LHPP: variants seen among roughly 807,000 people sequenced by gnomAD.
LHPP encodes phospholysine phosphohistidine inorganic pyrophosphate phosphatase.
In LHPP, 24 loss-of-function variants were observed where a neutral mutation model predicts 30.3. The ratio of observed to expected loss-of-function variants is 0.79; its 90% CI spans 0.57 to 1.11. LHPP has a LOEUF of 1.11. Among genes scored for constraint, LHPP ranks in the 50% most tolerant of loss-of-function variants. The pLI is 0.00. For synonymous variants in LHPP, 150 were observed against 157.1 expected, an observed-to-expected ratio of 0.95 and a Z score of 0.34; for missense variants, 356 against 367.2, an observed-to-expected ratio of 0.97 and a Z score of 0.25.
At position 124,478,446 on chromosome 10, in the gene LHPP, C is replaced by T. The variant is rs762383602; in HGVS notation, c.126-5693C>T. Among the ~76,000 whole-genome samples, 12 of 152,200 alleles carry T rather than the reference C, an allele frequency of 7.9e-5. No homozygotes were observed. Among genetic ancestry groups the T allele is most frequent in the Middle Eastern group, 3.2e-3 (1 of 316 alleles). On this transcript the variant is annotated intron_variant, in intron 1 of 6. Coordinates refer to ENST00000368842, the MANE Select transcript of LHPP (RefSeq NM_022126.4). The surrounding 1 kb of genome is among the most constrained non-coding windows in gnomAD (Gnocchi z 4.7). Reference sequence around the variant, plus strand: ...CCTGCTGCCTGCCCAGTCTCCCCTCCGAGGGATCCCATTCTCCCTCCAGCC... The same window carrying T: ...CCTGCTGCCTGCCCAGTCTCCCCTCTGAGGGATCCCATTCTCCCTCCAGCC...
rs553620670 is a variant in LHPP, at chr10:124,496,399, A to G, written c.468-562A>G. 6.6e-6 allele frequency among the ~76,000 whole-genome samples: 1 copy of G among 152,276 alleles called. No homozygotes were observed. Among genetic ancestry groups the G allele is most frequent in the South Asian group, 2.1e-4 (1 of 4,826 alleles). On this transcript the variant is annotated intron_variant, in intron 3 of 6. Coordinates refer to ENST00000368842, the MANE Select transcript of LHPP (RefSeq NM_022126.4). The surrounding 1 kb of genome is among the most constrained non-coding windows in gnomAD (Gnocchi z 4.3). ...TCGTGCAGAGCCTGTCTCCACCTCC[A>G]TGAGACGGGAAGGAACAGTTGTCTT...
chr10:124,585,167 C>T (rs188247291), intron 6 of LHPP, among the ~76,000 whole-genome samples: 117 of 152,180 alleles, frequency 7.7e-4, no homozygotes, highest in Non-Finnish European at 1.3e-3. Context: ...GTAGTGTTCA[C>T]AATATAAACT....
chr10:124,529,559 A>T (rs1954833002), intron 6 of LHPP, among the ~76,000 whole-genome samples: 1 of 151,892 alleles, frequency 6.6e-6, no homozygotes, highest in Non-Finnish European at 1.5e-5. Context: ...CTCATTACTG[A>T]GCAAAAATTT....
intron 6 of LHPP, among the ~76,000 whole-genome samples, chr10:124,587,507 G>T (rs1043471511): frequency 1.3e-5 from 2 of 151,426 alleles, no homozygotes; most frequent in African/African-American, 4.8e-5. Context: ...TTGGGAGGCC[G>T]AGACGGGCGG....
intron 6 of LHPP, among the ~76,000 whole-genome samples, chr10:124,526,773 A>G (rs1954750118): frequency 6.6e-6 from 1 of 152,226 alleles, no homozygotes; most frequent in Non-Finnish European, 1.5e-5. Context: ...TGACAGCCCC[A>G]GAAGTCCCAT....
chr10:124,490,448 G>A (rs1953486796), intron 3 of LHPP: 6 of 332,360 alleles, frequency 1.8e-5, no homozygotes, highest in East Asian at 8.0e-5. Flanking sequence ...CCTTCATGAC[G>A]TGAAGGTTGG....
rs1564759117 is a variant in LHPP, at chr10:124,461,826, GGT to G, written c.-36_-35del. ...CGGCCGCGGCGCCGGCGCCGGCGTC[GGT>G]TGGGACGCGGAGCTGAGGAGCAGGG... On this transcript the variant is annotated 5_prime_UTR_variant, in exon 1 of 7. Coordinates refer to ENST00000368842, the MANE Select transcript of LHPP (RefSeq NM_022126.4). 6.5e-6 allele frequency: 8 copies of G among 1,225,384 alleles called. No individual in the cohort carries two copies. The Admixed American group carries it at 2.6e-4, about 39-fold the overall frequency. 75.9% of individuals were successfully genotyped at this position (1,225,384 alleles called of 1,614,324 possible).
At chr10:124,498,013 C>A (rs772425110) in intron 4 of LHPP, 23 bp from the exon 5 acceptor site, 25 of 1,589,752 alleles carry the variant, frequency 1.6e-5, no homozygotes, top group South Asian at 2.2e-5. Flanking sequence ...AAACTTATGC[C>A]ATGTCCCTCT....
At position 124,510,821 on chromosome 10, in the gene LHPP, G is replaced by A. The variant is rs1022628203; in HGVS notation, c.625-6359G>A. ...TGTGAATGTTCACTGCTGACCTCAC[G>A]GTTTGAAGACAATTCCTTGAGAAGG... On this transcript the variant is annotated intron_variant, in intron 5 of 6. Transcript: ENST00000368842. This position sits in a 1 kb window ranked among gnomAD's most constrained non-coding sequence, Gnocchi z 4.0. 3.3e-5 allele frequency among the ~76,000 whole-genome samples: 5 copies of A among 152,230 alleles called. No homozygotes were observed. The highest frequency in any genetic ancestry group is 2.1e-4 in the South Asian group (1 of 4,830).
chr10:124,604,180 C>T (rs968669623), intron 6 of LHPP, among the ~76,000 whole-genome samples: 1 of 152,218 alleles, frequency 6.6e-6, no homozygotes, highest in Non-Finnish European at 1.5e-5. Flanking sequence ...CCCCGACCTG[C>T]TTCCAGAACC....
rs919486077 is a variant in LHPP at position 124,498,196 on chromosome 10, T to C, written c.624+68T>C. 2.9e-6 allele frequency: 4 copies of C among 1,359,838 alleles called. No individual in the cohort carries two copies. The African/African-American group carries it at 4.4e-5, about 15-fold the overall frequency. 84.2% of individuals were successfully genotyped at this position (1,359,838 alleles called of 1,614,324 possible). ...GTCAGGGAGGCCCTGGAGCTTGGAA[T>C]GGATTACAGGACTCAGGCAGCCTGT... On this transcript the variant is annotated intron_variant, in intron 5 of 6. Coordinates refer to ENST00000368842, the MANE Select transcript of LHPP (RefSeq NM_022126.4).
At chr10:124,587,117 C>T (rs960299296) in intron 6 of LHPP, among the ~76,000 whole-genome samples, 2 of 151,124 alleles carry the variant, frequency 1.3e-5, no homozygotes, top group East Asian at 2.0e-4. Context: ...GTAAAACCTC[C>T]GTCTCCCGGG....
intron 5 of LHPP, among the ~76,000 whole-genome samples, chr10:124,504,485 A>G (rs1249242885): frequency 6.8e-5 from 10 of 147,974 alleles, no homozygotes; most frequent in Non-Finnish European, 1.3e-4. Flanking sequence ...CTATGGTTCC[A>G]GCTACTTGGG....
chr10:124,595,075 AT>A, intron 6 of LHPP, among the ~76,000 whole-genome samples: 1 of 152,252 alleles, frequency 6.6e-6, no homozygotes, highest in East Asian at 1.9e-4. Context: ...CTAATACACC[AT>A]GTCATTTAAT....
At position 124,461,979 on chromosome 10, in the gene LHPP, G is replaced by A. The variant is rs1451748202; in HGVS notation, c.117G>A (p.Ala39=). 3 of 1,217,368 alleles carry A rather than the reference G, an allele frequency of 2.5e-6. No individual in the cohort carries two copies. In the South Asian group the frequency reaches 1.2e-4, roughly 50 times the overall value. 75.4% of individuals were successfully genotyped at this position (1,217,368 alleles called of 1,614,324 possible). ...GGTAIAGSVE[A]VARLKRSRLK... ...CGGCCATCGCCGGCTCGGTGGAGGC[G>A]GTGGCCAGGTGAGTGGGCCCCGGGA... is the stretch of plus-strand genomic sequence containing the variant. The change falls in exon 1 of 7, where the codon GCG becomes GCA. Residue 39 remains alanine, a synonymous_variant. Coordinates refer to ENST00000368842, the MANE Select transcript of LHPP (RefSeq NM_022126.4).
At chr10:124,542,593 A>T (rs916197223) in intron 6 of LHPP, among the ~76,000 whole-genome samples, 4 of 152,050 alleles carry the variant, frequency 2.6e-5, no homozygotes, top group Non-Finnish European at 4.4e-5. Context: ...GACCAGAGAG[A>T]GGGGCAGGCT....
intron 6 of LHPP, among the ~76,000 whole-genome samples, chr10:124,551,543 G>C (rs892245730): frequency 6.6e-6 from 1 of 152,184 alleles, no homozygotes; most frequent in African/African-American, 2.4e-5. Flanking sequence ...CTGGTGCGTG[G>C]GGAGGTAAGG....
chr10:124,522,374 C>G (rs1385927553), intron 6 of LHPP, among the ~76,000 whole-genome samples: 2 of 152,336 alleles, frequency 1.3e-5, no homozygotes, highest in East Asian at 1.9e-4. Context: ...TCCTGCTGCC[C>G]AGGCCCTGGA....
intron 6 of LHPP, among the ~76,000 whole-genome samples, chr10:124,584,363 CAAAAAAA>C (rs71484569): frequency 1.0e-5 from 1 of 98,428 alleles, no homozygotes; most frequent in Non-Finnish European, 2.1e-5. Flanking sequence ...GACTCTGTCT[CAAAAAAA>C]AAAAAAAAAA....
Sources: gnomAD v4.1 joint callset for allele counts (sites outside exome capture counted in the v4.1 genomes callset) on GRCh38, gnomAD v4.1.1 for gene constraint, Gnocchi (gnomAD v3.1) non-coding constraint, MANE v1.5 for transcripts, NCBI Gene and HGNC (gene_info 2026-07-23, HGNC 2026-07-21) for gene names.